The following FAM13A variants were observed in gnomAD, a reference collection of about 807,000 sequenced individuals.
FAM13A encodes the protein protein FAM13A.
FAM13A carries 76 observed loss-of-function variants against 129.6 expected under a neutral mutation model. The observed-to-expected ratio is 0.59, with a 90% CI of 0.49 to 0.71. The LOEUF (loss-of-function observed/expected upper bound fraction) is 0.71. Ranked by LOEUF, FAM13A falls within the 30% of genes least tolerant of loss-of-function variation. The probability of loss-of-function intolerance (pLI) is 0.00; values close to 1 mark genes in which losing one functional copy is unlikely to be tolerated. For synonymous variants in FAM13A, 443 were observed against 449.9 expected, an observed-to-expected ratio of 0.98 and a Z score of 0.20; for missense variants, 1,108 against 1,249.3, an observed-to-expected ratio of 0.89 and a Z score of 1.70.
At chr4:88,855,286 T>C (rs1014671835) in intron 6 of FAM13A, 12 of 152,194 alleles carry the variant, frequency 7.9e-5, no homozygotes, top group African/African-American at 2.9e-4. Flanking sequence ...CTGGCACCTG[T>C]TGAAGCATTC....
chr4:88,819,768 C>T (rs1731522082), intron 7 of FAM13A, among the ~76,000 whole-genome samples: 1 of 152,108 alleles, frequency 6.6e-6, no homozygotes, highest in Non-Finnish European at 1.5e-5. Context: ...TAAGTTGATA[C>T]ACTATGTTGA....
intron 5 of FAM13A, among the ~76,000 whole-genome samples, chr4:88,910,121 G>A (rs1748846620): frequency 6.6e-6 from 1 of 152,136 alleles, no homozygotes; most frequent in Non-Finnish European, 1.5e-5. Context: ...GTTGGAATGG[G>A]TGTTATTCCA....
chr4:88,885,632 TGCA>T (rs1385550609), intron 6 of FAM13A, among the ~76,000 whole-genome samples: 1 of 151,990 alleles, frequency 6.6e-6, no homozygotes, highest in African/African-American at 2.4e-5. Flanking sequence ...CAAAAGCATA[TGCA>T]ACAATAACAA....
At chr4:88,856,479 G>A (rs1193640000) in intron 6 of FAM13A, among the ~76,000 whole-genome samples, 1 of 151,884 alleles carries the variant, frequency 6.6e-6, no homozygotes, top group Non-Finnish European at 1.5e-5. Flanking sequence ...GTGAGACCCT[G>A]TCTCAACATC....
intron 1 of FAM13A, among the ~76,000 whole-genome samples, chr4:89,053,841 C>T (rs945818671): frequency 5.3e-5 from 8 of 152,158 alleles, no homozygotes; most frequent in Non-Finnish European, 7.3e-5. Flanking sequence ...TGCAAACTCC[C>T]ACTTTCAGCC....
intron 19 of FAM13A, among the ~76,000 whole-genome samples, chr4:88,740,960 A>C (rs1224088418): frequency 6.6e-6 from 1 of 152,238 alleles, no homozygotes; most frequent in Non-Finnish European, 1.5e-5. Context: ...AAAAAGACTA[A>C]GGATCAAACC....
chr4:89,007,364 A>G (rs1765187910), intron 3 of FAM13A, among the ~76,000 whole-genome samples: 2 of 152,202 alleles, frequency 1.3e-5, no homozygotes, highest in Admixed American at 1.3e-4. Context: ...ACATTCAAGC[A>G]GCCATCTGAA....
chr4:88,874,134 A>G (rs943305856), intron 6 of FAM13A, among the ~76,000 whole-genome samples: 1 of 152,184 alleles, frequency 6.6e-6, no homozygotes, highest in African/African-American at 2.4e-5. Context: ...CTGATGGAAC[A>G]TATCTCAAAA....
At chr4:88,773,673 A>G (rs1237101846) in intron 11 of FAM13A, among the ~76,000 whole-genome samples, 1 of 152,082 alleles carries the variant, frequency 6.6e-6, no homozygotes, top group Non-Finnish European at 1.5e-5. Context: ...CTTTGGTGTC[A>G]GCTTATCCAC....
chr4:88,927,118 T>C (rs1311132906), intron 5 of FAM13A, among the ~76,000 whole-genome samples: 1 of 152,174 alleles, frequency 6.6e-6, no homozygotes, highest in Admixed American at 6.5e-5. Context: ...GCTTGTGTCA[T>C]CTACAGTTTT....
At chr4:88,991,844 G>T (rs1762957588) in intron 3 of FAM13A, among the ~76,000 whole-genome samples, 1 of 152,030 alleles carries the variant, frequency 6.6e-6, no homozygotes, top group African/African-American at 2.4e-5. Context: ...CCTGTTCTGG[G>T]CATGTCCTCA....
intron 1 of FAM13A, among the ~76,000 whole-genome samples, chr4:89,046,404 G>A (rs1303383839): frequency 1.3e-5 from 2 of 152,150 alleles, no homozygotes; most frequent in Non-Finnish European, 1.5e-5. Context: ...ATGGAGACAC[G>A]TTTTAAGACA....
At chr4:88,841,493 C>CAAA (rs35396785) in intron 7 of FAM13A, among the ~76,000 whole-genome samples, 68 of 96,262 alleles carry the variant, frequency 7.1e-4, no homozygotes, top group East Asian at 1.2e-3. Context: ...GACTCTGTCT[C>CAAA]AAAAAAAAAA....
At chr4:88,755,744 C>T (rs966741300) in intron 14 of FAM13A, among the ~76,000 whole-genome samples, 2 of 152,100 alleles carry the variant, frequency 1.3e-5, no homozygotes, top group East Asian at 1.9e-4. Context: ...ATTTCCTTTC[C>T]AAAGTTATTT....
chr4:88,909,779 C>T (rs1235244816), intron 5 of FAM13A, among the ~76,000 whole-genome samples: 2 of 152,052 alleles, frequency 1.3e-5, no homozygotes, highest in Non-Finnish European at 1.5e-5. Context: ...GCCACCGTAC[C>T]CAGCTGAGGT....
chr4:88,763,770 A>G (rs1001519856), intron 13 of FAM13A, among the ~76,000 whole-genome samples: 5 of 152,230 alleles, frequency 3.3e-5, no homozygotes, highest in Non-Finnish European at 7.3e-5. Context: ...TTGCACAGGA[A>G]GAAACTACAA....
chr4:88,985,980 A>G (rs952433493), intron 4 of FAM13A, among the ~76,000 whole-genome samples: 7 of 152,240 alleles, frequency 4.6e-5, no homozygotes, highest in African/African-American at 1.7e-4. Context: ...ATGTAACTAC[A>G]TATACACACT....
At chr4:88,798,213 A>G (rs2149708573) in intron 8 of FAM13A, among the ~76,000 whole-genome samples, 1 of 152,312 alleles carries the variant, frequency 6.6e-6, no homozygotes, top group South Asian at 2.1e-4. Flanking sequence ...ATTATGCTGG[A>G]GAACTGGAAA....
At chr4:89,043,705 T>C (rs1449357047) in intron 1 of FAM13A, among the ~76,000 whole-genome samples, 1 of 152,090 alleles carries the variant, frequency 6.6e-6, no homozygotes, top group Non-Finnish European at 1.5e-5. Context: ...TTAATAAGGA[T>C]GTGACAATAG....
Sources: gnomAD v4.1 joint callset for allele counts (sites outside exome capture counted in the v4.1 genomes callset) on GRCh38, gnomAD v4.1.1 for gene constraint, MANE v1.5 for transcripts, NCBI Gene and HGNC (gene_info 2026-07-23, HGNC 2026-07-21) for gene names.